IKZF3: variants seen among roughly 807,000 people sequenced by gnomAD.
The protein encoded by IKZF3 is IKAROS family zinc finger 3.
IKZF3 carries 10 observed loss-of-function variants against 49.0 expected under a neutral mutation model. The ratio of observed to expected loss-of-function variants is 0.20; its 90% confidence interval spans 0.13 to 0.35. The LOEUF is 0.35. Among genes scored for constraint, IKZF3 ranks in the 10% least tolerant of loss-of-function variants. IKZF3 has a pLI of 1.00. For synonymous variants in IKZF3, 209 were observed against 228.2 expected (o/e 0.92, Z 0.76); for missense variants, 498 against 664.8 (o/e 0.75, Z 2.76).
intron 7 of IKZF3, among the ~76,000 whole-genome samples, chr17:39,770,244 C>G (rs930187399): frequency 6.6e-6 from 1 of 152,206 alleles, no homozygotes; most frequent in African/African-American, 2.4e-5. Flanking sequence ...GCTTCCAAAC[C>G]TGCACGGAGC....
Position 39,792,790 on chromosome 17 carries a change from T to C in IKZF3, c.307A>G (p.Arg103Gly). ...CTACTATCGAATGAGACAACATGTCTCTCCAACTTAATGTTTTCATATTCA... is the reference window on the plus strand; with the variant it reads ...CTACTATCGAATGAGACAACATGTCCCTCCAACTTAATGTTTTCATATTCA... Reference protein sequence around the residue: ...YNEYENIKLERHVVSFDSSRP... With the variant: ...YNEYENIKLEGHVVSFDSSRP... The change falls in exon 4 of 8, where the codon AGA becomes GGA. Residue 103 changes from arginine (R) to glycine (G), a missense_variant. Physicochemically the swap from Arg to Gly is moderately radical, Grantham distance 125. Transcript: ENST00000346872. 1 of 1,614,184 alleles carries C rather than the reference T, an allele frequency of 6.2e-7. No individual in the cohort carries two copies. The highest frequency in any genetic ancestry group is 8.5e-7 in the Non-Finnish European group (1 of 1,180,008).
At chr17:39,835,407 G>A (rs978215571) in intron 1 of IKZF3, 20 of 469,252 alleles carry the variant, frequency 4.3e-5, no homozygotes, top group Non-Finnish European at 5.9e-5. Flanking sequence ...ACACAATGGC[G>A]GCCTCCAGGG....
intron 7 of IKZF3, among the ~76,000 whole-genome samples, chr17:39,771,745 AT>A (rs2060448902): frequency 6.6e-6 from 1 of 151,888 alleles, no homozygotes; most frequent in African/African-American, 2.4e-5. Context: ...GCTTCTTTTT[AT>A]TTTTTATTTT....
intron 3 of IKZF3, among the ~76,000 whole-genome samples, chr17:39,799,935 T>C (rs189438896): frequency 1.5e-3 from 228 of 152,374 alleles, no homozygotes; most frequent in African/African-American, 5.3e-3. Flanking sequence ...TTTTATGTAG[T>C]TGATGTGTTC....
chr17:39,810,308 T>G (rs894376968), intron 3 of IKZF3, among the ~76,000 whole-genome samples: 1 of 152,218 alleles, frequency 6.6e-6, no homozygotes, highest in Admixed American at 6.5e-5. Flanking sequence ...TAAGTTGACA[T>G]CTATAATTTT....
chr17:39,766,750 T>C (rs1300592932), intron 7 of IKZF3, among the ~76,000 whole-genome samples: 1 of 152,010 alleles, frequency 6.6e-6, no homozygotes, highest in Non-Finnish European at 1.5e-5. Context: ...CATGGTAAGG[T>C]ATGCCCACTG....
intron 3 of IKZF3, among the ~76,000 whole-genome samples, chr17:39,821,601 T>C (rs1011139232): frequency 1.3e-5 from 2 of 152,222 alleles, no homozygotes; most frequent in Non-Finnish European, 2.9e-5. Flanking sequence ...GTTATTGTTA[T>C]CTGCAACAGC....
chr17:39,774,422 A>AGAGGTGAGGT (rs1396028902), intron 7 of IKZF3, among the ~76,000 whole-genome samples: 1 of 151,978 alleles, frequency 6.6e-6, no homozygotes, highest in Non-Finnish European at 1.5e-5. Flanking sequence ...ACAAGAGAGG[A>AGAGGTGAGGT]GAGGTGAGGT....
At position 39,777,726 on chromosome 17, in the gene IKZF3, C is replaced by CA; in HGVS notation, c.750dup (p.Glu251Ter). The CA allele has an allele frequency of 6.2e-7, 1 of 1,613,878 alleles. No homozygotes were observed. The highest frequency in any genetic ancestry group is 8.5e-7 in the Non-Finnish European group (1 of 1,179,912). On this transcript the variant is annotated frameshift_variant, in exon 7 of 8. Transcript: ENST00000346872. LOFTEE classifies it high-confidence loss of function. ...AATCTGTCCAGTACGAGAGCTCTTTCACTTCCCATCTCTGCTTTGATGTGT... is the reference window on the plus strand; with the variant it reads ...AATCTGTCCAGTACGAGAGCTCTTTCAACTTCCCATCTCTGCTTTGATGTGT...
chr17:39,789,908 A>C (rs1028461638), intron 5 of IKZF3, among the ~76,000 whole-genome samples: 2 of 151,530 alleles, frequency 1.3e-5, no homozygotes, highest in African/African-American at 2.4e-5. Context: ...CAAAAAAAAA[A>C]AAAAAAAGAG....
intron 1 of IKZF3, among the ~76,000 whole-genome samples, chr17:39,837,228 C>T (rs1309693133): frequency 2.0e-5 from 3 of 151,980 alleles, no homozygotes; most frequent in Non-Finnish European, 4.4e-5. Flanking sequence ...AGCCACTGTG[C>T]CTGGCCTGGT....
chr17:39,828,378 G>A (rs1172348320), intron 3 of IKZF3, among the ~76,000 whole-genome samples: 4 of 152,194 alleles, frequency 2.6e-5, no homozygotes, highest in East Asian at 1.9e-4. Flanking sequence ...TGCTGCCTAC[G>A]ATCTAGACCA....
At chr17:39,796,798 G>A (rs1471427593) in intron 3 of IKZF3, among the ~76,000 whole-genome samples, 2 of 146,954 alleles carry the variant, frequency 1.4e-5, no homozygotes, top group African/African-American at 2.5e-5. Context: ...CACCCACCTC[G>A]GCCTCCCAAA....
chr17:39,829,990 C>T (rs2062067364), intron 2 of IKZF3, among the ~76,000 whole-genome samples: 1 of 152,058 alleles, frequency 6.6e-6, no homozygotes, highest in Non-Finnish European at 1.5e-5. Context: ...GCCCAGGGTT[C>T]ATGTACCCTC....
chr17:39,760,484 C>G lies in IKZF3; in HGVS notation c.*5306G>C, dbSNP rs1225944599. ...GGATTACAGGCATGTGCCACCACGC[C>G]TGGCTAATTTTGTATTTTTAGTAGA... is the stretch of plus-strand genomic sequence containing the variant. On this transcript the variant is annotated 3_prime_UTR_variant, in exon 8 of 8. Transcript: ENST00000346872. The G allele has an allele frequency of 2.0e-5, 3 of 152,296 alleles. No homozygotes were observed. Among genetic ancestry groups the G allele is most frequent in the African/African-American group, 7.2e-5 (3 of 41,452 alleles). The allele number at this position is 152,296 out of a possible 1,614,324, so 9.4% of individuals were successfully genotyped here.
At chr17:39,774,151 C>T (rs535191320) in intron 7 of IKZF3, among the ~76,000 whole-genome samples, 4 of 152,248 alleles carry the variant, frequency 2.6e-5, no homozygotes, top group South Asian at 2.1e-4. Flanking sequence ...GAGATAGCAG[C>T]GGGCTGACCT....
intron 1 of IKZF3, among the ~76,000 whole-genome samples, chr17:39,854,691 A>T (rs538241052): frequency 2.6e-5 from 4 of 152,306 alleles, no homozygotes; most frequent in African/African-American, 9.6e-5. Flanking sequence ...TGGTGCTATT[A>T]ACAGTGTTGG....
At chr17:39,802,356 C>T (rs928531027) in intron 3 of IKZF3, among the ~76,000 whole-genome samples, 1 of 151,454 alleles carries the variant, frequency 6.6e-6, no homozygotes, top group Non-Finnish European at 1.5e-5. Flanking sequence ...TCTGTAACTC[C>T]AGCACTTCAG....
chr17:39,845,329 G>T (rs2144441615), intron 1 of IKZF3, among the ~76,000 whole-genome samples: 1 of 151,966 alleles, frequency 6.6e-6, no homozygotes, highest in South Asian at 2.1e-4. Flanking sequence ...AGACCAGCCT[G>T]GTCAACATGG....
Sources: allele counts gnomAD v4.1 joint callset (sites outside exome capture counted in the v4.1 genomes callset), GRCh38; gene constraint gnomAD v4.1.1; transcripts MANE v1.5; gene names NCBI Gene and HGNC (gene_info 2026-07-23, HGNC 2026-07-21).